The following MCF2L2 variants were observed in gnomAD, a reference collection of about 807,000 sequenced individuals.
MCF2L2 encodes the protein probable guanine nucleotide exchange factor MCF2L2.
MCF2L2 carries 102 observed loss-of-function variants against 150.2 expected under a neutral mutation model. That is an observed-to-expected ratio of 0.68 (90% confidence interval 0.58 to 0.80). The LOEUF (loss-of-function observed/expected upper bound fraction) is 0.80. Ranked by LOEUF, MCF2L2 falls within the 30% of genes least tolerant of loss-of-function variation. The probability of loss-of-function intolerance (pLI) is 0.00; values close to 1 mark genes in which losing one functional copy is unlikely to be tolerated. For missense variants in MCF2L2, 1,256 were observed against 1,372.8 expected (o/e 0.91, Z 1.34); for synonymous variants, 465 against 491.3 (o/e 0.95, Z 0.71).
chr3:183,250,428 A>G (rs1724463561), intron 15 of MCF2L2, among the ~76,000 whole-genome samples: 2 of 152,014 alleles, frequency 1.3e-5, no homozygotes, highest in African/African-American at 2.4e-5. Flanking sequence ...TCCACCAAAA[A>G]TATAAAAAAT....
At chr3:183,384,517 G>C (rs947070470) in intron 2 of MCF2L2, among the ~76,000 whole-genome samples, 1 of 152,116 alleles carries the variant, frequency 6.6e-6, no homozygotes, top group Non-Finnish European at 1.5e-5. Flanking sequence ...ATCAATAAAT[G>C]GGTTTACCTG....
At chr3:183,325,656 A>G (rs1205594917) in intron 5 of MCF2L2, among the ~76,000 whole-genome samples, 6 of 152,210 alleles carry the variant, frequency 3.9e-5, no homozygotes, top group Non-Finnish European at 8.8e-5. Flanking sequence ...ATTTTAAAAA[A>G]GACCCAATGT....
At chr3:183,301,793 CAAAAA>C (rs200514561) in intron 10 of MCF2L2, among the ~76,000 whole-genome samples, 7 of 124,340 alleles carry the variant, frequency 5.6e-5, no homozygotes, top group Non-Finnish European at 1.0e-4. Context: ...GCTCTGTCTC[CAAAAA>C]AAAAAAAAAA....
At chr3:183,256,672 CTT>C (rs1725070098) in intron 15 of MCF2L2, among the ~76,000 whole-genome samples, 1 of 152,198 alleles carries the variant, frequency 6.6e-6, no homozygotes, top group African/African-American at 2.4e-5. Flanking sequence ...AGATTTGACT[CTT>C]TTGCTCCTTT....
rs200702114 is a variant in MCF2L2, at chr3:183,229,765, A to G, written c.1946T>C (p.Met649Thr). The G allele has an allele frequency of 6.5e-7, 1 of 1,549,144 alleles. No individual in the cohort carries two copies. Among genetic ancestry groups the G allele is most frequent in the Non-Finnish European group, 8.9e-7 (1 of 1,123,008 alleles). ...TAGATGCTTTAGCCAAATAAAATCC[A>G]TTGGAGTGATATATCCCTGCAGAGG... ...KSIIDGYITP[M>T]DFIWLKHLIP... Residue 649 changes from methionine (M) to threonine (T), a missense_variant, in exon 17 of 30, where the codon ATG becomes ACG. Met to Thr is a moderately conservative substitution (Grantham distance 81). Coordinates refer to ENST00000328913, the MANE Select transcript of MCF2L2 (RefSeq NM_015078.4).
intron 14 of MCF2L2, among the ~76,000 whole-genome samples, chr3:183,281,719 G>A (rs1727493034): frequency 6.6e-6 from 1 of 152,056 alleles, no homozygotes; most frequent in Non-Finnish European, 1.5e-5. Context: ...GAAAGGATGA[G>A]GAGAGGAAGG....
intron 1 of MCF2L2, among the ~76,000 whole-genome samples, chr3:183,417,145 A>AG (rs1577139744): frequency 7.4e-6 from 1 of 136,000 alleles, no homozygotes; most frequent in East Asian, 2.1e-4. Context: ...AAAAAAAAAA[A>AG]TGGTAATTTA....
At chr3:183,253,706 G>C (rs2108390290) in intron 15 of MCF2L2, 2 of 152,504 alleles carry the variant, frequency 1.3e-5, no homozygotes, top group South Asian at 4.1e-4. Flanking sequence ...GCGGCGCTGC[G>C]GAACCGGTGT....
intron 1 of MCF2L2, among the ~76,000 whole-genome samples, chr3:183,402,454 A>G (rs900600937): frequency 2.9e-4 from 35 of 122,164 alleles, no homozygotes; most frequent in African/African-American, 1.5e-3. Context: ...ACTCCATCAA[A>G]AAAAAAAAAA....
chr3:183,328,157 G>A (rs1461877827), intron 5 of MCF2L2, among the ~76,000 whole-genome samples: 2 of 152,248 alleles, frequency 1.3e-5, no homozygotes, highest in Non-Finnish European at 2.9e-5. Flanking sequence ...AGGGTGGTAT[G>A]CTGGAGACAG....
At chr3:183,304,898 GC>G (rs1356003192) in intron 10 of MCF2L2, among the ~76,000 whole-genome samples, 1 of 152,096 alleles carries the variant, frequency 6.6e-6, no homozygotes. Flanking sequence ...ACCTTTCCTA[GC>G]ACTGCTCAGC....
intron 1 of MCF2L2, among the ~76,000 whole-genome samples, chr3:183,391,341 C>A (rs907592566): frequency 1.3e-5 from 2 of 151,172 alleles, no homozygotes; most frequent in East Asian, 3.9e-4. Context: ...TCAATGAATT[C>A]CCCCATTGTT....
chr3:183,373,393 G>C (rs148304677), intron 3 of MCF2L2: 2 of 152,260 alleles, frequency 1.3e-5, no homozygotes, highest in East Asian at 1.9e-4. Context: ...TCAAGAAATT[G>C]AATCTTTTTA....
chr3:183,194,967 G>C (rs1722031555), intron 26 of MCF2L2, among the ~76,000 whole-genome samples: 1 of 151,810 alleles, frequency 6.6e-6, no homozygotes, highest in African/African-American at 2.4e-5. Flanking sequence ...TTTTTTGTTA[G>C]AGACAGGGTT....
intron 21 of MCF2L2, among the ~76,000 whole-genome samples, chr3:183,217,261 TC>T (rs1722978570): frequency 8.4e-6 from 1 of 119,714 alleles, no homozygotes; most frequent in African/African-American, 3.3e-5. Context: ...GTCATTGCAC[TC>T]CAGCCTGGGT....
intron 2 of MCF2L2, among the ~76,000 whole-genome samples, chr3:183,382,137 C>T (rs1037898064): frequency 2.6e-5 from 4 of 152,082 alleles, no homozygotes; most frequent in African/African-American, 7.2e-5. Flanking sequence ...CCGCTCACTG[C>T]AACCTCCGCC....
chr3:183,370,844 T>G (rs1577099820), intron 3 of MCF2L2, among the ~76,000 whole-genome samples: 1 of 152,234 alleles, frequency 6.6e-6, no homozygotes, highest in South Asian at 2.1e-4. Context: ...TGCCTTCTGA[T>G]TTCAGGCCTC....
rs1297553655 is a variant in MCF2L2 at position 183,318,185 on chromosome 3, G to A, written c.636C>T (p.Thr212=). ...AIENFALTLK[T]TAQMLQTFGS... is the part of the protein sequence containing the mutation. ...CAAACGTCTGCAGCATCTGGGCAGTGGTCTTCAAGGTCAAGGCAAAGTTTT... is the reference window on the plus strand; with the variant it reads ...CAAACGTCTGCAGCATCTGGGCAGTAGTCTTCAAGGTCAAGGCAAAGTTTT... Residue 212 remains threonine (T), a synonymous_variant, in exon 7 of 30, where the codon ACC becomes ACT. Transcript: ENST00000328913. 1.9e-6 allele frequency: 3 copies of A among 1,614,162 alleles called. No individual in the cohort carries two copies. The East Asian group carries it at 6.7e-5, about 36-fold the overall frequency.
At chr3:183,192,883 T>C (rs1721946969) in intron 27 of MCF2L2, 116 bp downstream of exon 27, 1 of 708,582 alleles carries the variant, frequency 1.4e-6, no homozygotes, top group South Asian at 1.9e-5. Context: ...CTTTCTTTTT[T>C]CTCCCTCATT....
Sources: allele counts gnomAD v4.1 joint callset (sites outside exome capture counted in the v4.1 genomes callset), GRCh38; gene constraint gnomAD v4.1.1; transcripts MANE v1.5; gene names NCBI Gene and HGNC (gene_info 2026-07-23, HGNC 2026-07-21).